Variants in PPP2R3B observed in about 807,000 individuals in gnomAD.
PPP2R3B encodes protein phosphatase 2 regulatory subunit B''beta, also known as serine/threonine-protein phosphatase 2A regulatory subunit B'' subunit beta.
PPP2R3B carries 68 observed loss-of-function variants against 72.9 expected under a neutral mutation model. That is an observed-to-expected ratio of 0.93 (90% CI 0.77 to 1.14). The LOEUF (loss-of-function observed/expected upper bound fraction) is 1.14, where lower values mean the gene tolerates loss of function less well. Among genes scored for constraint, PPP2R3B ranks in the 50% most tolerant of loss-of-function variants. PPP2R3B has a pLI of 0.00. For missense variants in PPP2R3B, 1,018 were observed against 842.0 expected, an observed-to-expected ratio of 1.21 and a Z score of -2.59; for synonymous variants, 466 against 375.8, an observed-to-expected ratio of 1.24 and a Z score of -2.78.
chrX:341,345 CCAGA>C lies in PPP2R3B; in HGVS notation c.1133_1136del (p.Val378GlyfsTer3), dbSNP rs752731150. 8 of 1,612,270 alleles carry C rather than the reference CCAGA, an allele frequency of 5.0e-6. No individual in the cohort carries two copies. The highest frequency in any genetic ancestry group is 2.2e-5 in the South Asian group (2 of 91,056). ...TTTTGTCTTCCTCAGAGATCAAAAA[CCAGA>C]CAAAGTCGGCATAGCTGATCTTCCC... On this transcript the variant is annotated frameshift_variant, in exon 9 of 13. Coordinates refer to ENST00000390665, the MANE Select transcript of PPP2R3B (RefSeq NM_013239.5). LOFTEE classifies it high-confidence loss of function.
rs149439327 is a variant in PPP2R3B, at chrX:364,359, C to T, written c.325-2769G>A. 1.3e-3 allele frequency among the ~76,000 whole-genome samples: 190 copies of T among 151,988 alleles called. 1 individual carries two copies. Among genetic ancestry groups the T allele is most frequent in the Middle Eastern group, 6.8e-3 (2 of 294 alleles). ...CCTGCAGGTTTGCAAACCAAACTCA[C>T]GGTCACCAGGATGCTGCGAAAACCC... On this transcript the variant is annotated intron_variant, in intron 1 of 12. Coordinates refer to ENST00000390665, the MANE Select transcript of PPP2R3B (RefSeq NM_013239.5).
intron 1 of PPP2R3B, among the ~76,000 whole-genome samples, chrX:368,907 G>A (rs1197289686): frequency 1.3e-5 from 2 of 152,100 alleles, no homozygotes; most frequent in Non-Finnish European, 2.9e-5. Context: ...GGAAAGCCGG[G>A]ACCACCCACC....
At chrX:350,998 G>GC (rs1390696110) in intron 2 of PPP2R3B, among the ~76,000 whole-genome samples, 1 of 152,158 alleles carries the variant, frequency 6.6e-6, no homozygotes, top group East Asian at 1.9e-4. Context: ...CAGGTGCAGG[G>GC]CGGGAGTGAC....
intron 10 of PPP2R3B, among the ~76,000 whole-genome samples, chrX:339,270 G>GC (rs2070987267): frequency 1.4e-5 from 1 of 70,222 alleles, no homozygotes; most frequent in Non-Finnish European, 3.1e-5. Flanking sequence ...GCGCCCCATG[G>GC]CCGGGGGGGG....
At position 346,279 on chromosome X, in the gene PPP2R3B, T is replaced by G; in HGVS notation, c.793-19A>C. The G allele has an allele frequency of 6.4e-7, 1 of 1,552,082 alleles. No individual in the cohort carries two copies. The highest frequency in any genetic ancestry group is 1.9e-5 in the Admixed American group (1 of 52,070). On this transcript the variant is annotated intron_variant, in intron 5 of 12. Transcript: ENST00000390665. ...GGATGACCTGCGGGGGCGCTGTCAGTGCGGTGGGTGCGCAGAGACCCCCAG... is the reference window on the plus strand; with the variant it reads ...GGATGACCTGCGGGGGCGCTGTCAGGGCGGTGGGTGCGCAGAGACCCCCAG...
Position 334,977 on chromosome X carries a change from C to T in PPP2R3B, c.1578-460G>A, listed in dbSNP as rs187801281. ...CGCAGCAGTGCGAGGACTGGACGCG[C>T]GCCTTCCCTTAAGGTCTCGGCAGTG... On this transcript the variant is annotated intron_variant, in intron 12 of 12. Transcript: ENST00000390665. The T allele has an allele frequency of 1.3e-4, 20 of 158,446 alleles. No homozygotes were observed. In the East Asian group the frequency reaches 2.2e-3, roughly 17 times the overall value. 9.8% of individuals were successfully genotyped at this position (158,446 alleles called of 1,614,324 possible). A position where few individuals can be genotyped will look rare whatever the true frequency, so the allele number is the denominator to read the frequency against.
intron 1 of PPP2R3B, among the ~76,000 whole-genome samples, chrX:385,494 C>T (rs1196941304): frequency 6.6e-6 from 1 of 151,834 alleles, no homozygotes; most frequent in African/African-American, 2.4e-5. Context: ...GTATAATCAC[C>T]TTCTATGAAA....
At position 351,063 on chromosome X, in the gene PPP2R3B, A is replaced by C. The variant is rs1049072482; in HGVS notation, c.511-3370T>G. 1.1e-3 allele frequency among the ~76,000 whole-genome samples: 160 copies of C among 152,264 alleles called. 2 individuals are homozygous for C. Among genetic ancestry groups the C allele is most frequent in the Non-Finnish European group, 1.2e-3 (81 of 68,004 alleles). ...GGCTGCGCGCCACAGCGGGGATTGC[A>C]GTGCTGCTATGGGAAAGGACGCGCT... On this transcript the variant is annotated intron_variant, in intron 2 of 12. Transcript: ENST00000390665.
intron 1 of PPP2R3B, among the ~76,000 whole-genome samples, chrX:367,034 A>G (rs748131994): frequency 9.2e-5 from 14 of 151,802 alleles, no homozygotes; most frequent in Admixed American, 2.0e-4. Context: ...TCTCAAAAAA[A>G]AAAAAGTGAG....
chrX:363,747 G>A (rs1456457002), intron 1 of PPP2R3B, among the ~76,000 whole-genome samples: 7 of 142,782 alleles, frequency 4.9e-5, no homozygotes, highest in East Asian at 4.1e-4. Context: ...GCGCCTTCCC[G>A]TCTCTCGCTG....
chrX:345,526 G>A lies in PPP2R3B; in HGVS notation c.1026C>T (p.His342=). ...LLIDADDLAR[H]NDHALSTKMI... is the part of the protein sequence containing the mutation. Reference sequence around the variant, plus strand: ...TGTGCCCCCACGCACCGTGGTCATTGTGCCGCGCCAGGTCGTCCGCGTCGA... The same window carrying A: ...TGTGCCCCCACGCACCGTGGTCATTATGCCGCGCCAGGTCGTCCGCGTCGA... The change falls in exon 7 of 13, where the codon CAC becomes CAT. Residue 342 remains histidine, a synonymous_variant. Coordinates refer to ENST00000390665, the MANE Select transcript of PPP2R3B (RefSeq NM_013239.5). 1 of 1,612,802 alleles carries A rather than the reference G, an allele frequency of 6.2e-7. No homozygotes were observed. Among genetic ancestry groups the A allele is most frequent in the Non-Finnish European group, 8.5e-7 (1 of 1,179,418 alleles).
At chrX:375,746 A>T (rs2071977156) in intron 1 of PPP2R3B, among the ~76,000 whole-genome samples, 2 of 151,102 alleles carry the variant, frequency 1.3e-5, no homozygotes, top group Non-Finnish European at 3.0e-5. Flanking sequence ...GATCAAACCC[A>T]AAATGCGGGG....
At chrX:352,299 C>T (rs991178384) in intron 2 of PPP2R3B, among the ~76,000 whole-genome samples, 8 of 152,246 alleles carry the variant, frequency 5.3e-5, no homozygotes, top group African/African-American at 1.2e-4. Context: ...CCCGGCAACG[C>T]GGCGGCACGC....
intron 1 of PPP2R3B, among the ~76,000 whole-genome samples, chrX:363,240 C>T (rs2071581190): frequency 7.0e-6 from 1 of 142,678 alleles, no homozygotes; most frequent in Non-Finnish European, 1.5e-5. Flanking sequence ...TCCCACAGTG[C>T]ATCTCCCCGA....
At chrX:354,091 G>C (rs1322978398) in intron 2 of PPP2R3B, among the ~76,000 whole-genome samples, 1 of 89,456 alleles carries the variant, frequency 1.1e-5, no homozygotes, top group Non-Finnish European at 2.2e-5. Context: ...GCTCACCCAG[G>C]GACCAGGGGC....
At chrX:381,888 G>A (rs754969531) in intron 1 of PPP2R3B, among the ~76,000 whole-genome samples, 3 of 152,084 alleles carry the variant, frequency 2.0e-5, no homozygotes, top group Admixed American at 1.3e-4. Flanking sequence ...ATGAGCCACC[G>A]TGCCCAGCCC....
chrX:367,365 G>C (rs776932762), intron 1 of PPP2R3B, among the ~76,000 whole-genome samples: 4 of 150,786 alleles, frequency 2.7e-5, no homozygotes, highest in Admixed American at 2.6e-4. Flanking sequence ...AGTGTGAGAC[G>C]GTTTGTGAGT....
chrX:352,512 A>ACACCGTGCTCCGTGTGGATCGTCTGCC (rs2071351800), intron 2 of PPP2R3B, among the ~76,000 whole-genome samples: 1 of 149,574 alleles, frequency 6.7e-6, no homozygotes, highest in African/African-American at 2.5e-5. Context: ...TGGGACTCAC[A>ACACCGTGCTCCGTGTGGATCGTCTGCC]CACCTTGCTC....
At chrX:363,094 C>T (rs182247517) in intron 1 of PPP2R3B, among the ~76,000 whole-genome samples, 10,472 of 152,136 alleles carry the variant, frequency 0.069, 555 homozygotes, top group African/African-American at 0.15. Context: ...TGGGGCAGAG[C>T]AGGCTTCCCG....
Sources: gnomAD v4.1 joint callset for allele counts (sites outside exome capture counted in the v4.1 genomes callset) on GRCh38, gnomAD v4.1.1 for gene constraint, MANE v1.5 for transcripts, NCBI Gene and HGNC (gene_info 2026-07-23, HGNC 2026-07-21) for gene names.